The following ZNF385D variants were observed in gnomAD, a reference collection of about 807,000 sequenced individuals.
The protein encoded by ZNF385D is zinc finger protein 659.
A neutral mutation model predicts 35.8 loss-of-function variants in ZNF385D; 15 were observed. The ratio of observed to expected loss-of-function variants is 0.42; its 90% confidence interval spans 0.28 to 0.64. ZNF385D has a LOEUF of 0.64. Among genes scored for constraint, ZNF385D ranks in the 30% least tolerant of loss-of-function variants. ZNF385D has a pLI of 0.23. For synonymous variants in ZNF385D, 212 were observed against 186.8 expected (o/e 1.13, Z -1.10); for missense variants, 474 against 494.6 (o/e 0.96, Z 0.39).
chr3:21,506,961 T>C (rs1372569443), intron 4 of ZNF385D, among the ~76,000 whole-genome samples: 2 of 64,990 alleles, frequency 3.1e-5, no homozygotes, highest in Non-Finnish European at 6.0e-5. Flanking sequence ...ACTGGCATAA[T>C]TAGAGAAAAA....
At chr3:22,046,906 A>C (rs116304575) in intron 3 of ZNF385D, among the ~76,000 whole-genome samples, 1 of 152,284 alleles carries the variant, frequency 6.6e-6, no homozygotes, top group East Asian at 1.9e-4. Flanking sequence ...GAAACACTTT[A>C]TACTATACTA....
chr3:21,459,446 A>G (rs1000894096), intron 4 of ZNF385D: 2 of 152,168 alleles, frequency 1.3e-5, no homozygotes, highest in South Asian at 2.1e-4. Flanking sequence ...TGTTGTATTT[A>G]TCTCTGTTTC....
At chr3:22,187,477 TACAC>T (rs908769401) in intron 2 of ZNF385D, among the ~76,000 whole-genome samples, 1 of 151,854 alleles carries the variant, frequency 6.6e-6, no homozygotes, top group Admixed American at 6.6e-5. Context: ...TCTCACCCTA[TACAC>T]ACACACAGAT....
chr3:21,754,835 G>C (rs2070269257), upstream of ZNF385D, among the ~76,000 whole-genome samples: 1 of 152,100 alleles, frequency 6.6e-6, no homozygotes, highest in African/African-American at 2.4e-5. Flanking sequence ...CCTGCTACTT[G>C]TCATTATACA....
At chr3:22,060,643 G>A (rs1171631525) in intron 3 of ZNF385D, among the ~76,000 whole-genome samples, 1 of 151,928 alleles carries the variant, frequency 6.6e-6, no homozygotes, top group Non-Finnish European at 1.5e-5. Context: ...CTTAAAATAC[G>A]TTAACAGCCA....
chr3:22,309,427 A>G (rs1457113128), intron 2 of ZNF385D, among the ~76,000 whole-genome samples: 1 of 152,106 alleles, frequency 6.6e-6, no homozygotes, highest in Non-Finnish European at 1.5e-5. Context: ...ACCTTGTCCC[A>G]GTTTCTCACT....
At position 21,684,388 on chromosome 3, in the gene ZNF385D, CT is replaced by C. The variant is rs1209838014; in HGVS notation, c.23-19361del. ...CTCCTCTCTCTCTCTCTCTCTCTCT[CT>C]CTCTCTCTCTCTCTCCTCTCTCTCT... is the stretch of plus-strand genomic sequence containing the variant. On this transcript the variant is annotated intron_variant, in intron 1 of 7. Coordinates refer to ENST00000281523, the MANE Select transcript of ZNF385D (RefSeq NM_024697.3). Among the ~76,000 whole-genome samples, 102 of 86,982 alleles carry C rather than the reference CT, an allele frequency of 1.2e-3. 1 individual carries two copies. Among genetic ancestry groups the C allele is most frequent in the African/African-American group, 5.5e-3 (101 of 18,520 alleles). The allele number at this position is 86,982 out of a possible 152,430, so 57.1% of individuals were successfully genotyped here.
chr3:22,096,549 G>C (rs994087126), intron 3 of ZNF385D, among the ~76,000 whole-genome samples: 3 of 151,938 alleles, frequency 2.0e-5, no homozygotes, highest in East Asian at 3.9e-4. Flanking sequence ...GAATACTTGA[G>C]ACTTTCTTGC....
chr3:21,872,000 G>GA (rs994999279), intron 3 of ZNF385D, among the ~76,000 whole-genome samples: 7 of 149,420 alleles, frequency 4.7e-5, no homozygotes, highest in South Asian at 4.2e-4. Context: ...CTCTGTCTCA[G>GA]AAAAAAAAAT....
At position 21,996,616 on chromosome 3, in the gene ZNF385D, A is replaced by G. The variant is rs553044806; in HGVS notation, c.325+172201T>C. ...ACTGTCACACATTTATTTCTCACAT[A>G]TGTTTCAGCTTATGTTAGCATAGTT... is the stretch of plus-strand genomic sequence containing the variant. On this transcript the variant is annotated intron_variant, in intron 3 of 5. Transcript: ENST00000494108. Among the ~76,000 whole-genome samples the G allele has an allele frequency of 7.9e-5, 12 of 152,258 alleles. No homozygotes were observed. In the South Asian group the frequency reaches 1.0e-3, roughly 13 times the overall value.
At chr3:22,293,303 T>G (rs1251791894) in intron 2 of ZNF385D, among the ~76,000 whole-genome samples, 1 of 152,118 alleles carries the variant, frequency 6.6e-6, no homozygotes, top group Admixed American at 6.6e-5. Context: ...TTAAACTCGA[T>G]GTCCTTTACT....
Position 21,437,701 on chromosome 3 carries a change from CAAAAA to C in ZNF385D, c.440-503_440-499del, listed in dbSNP as rs751739275. The stretch of plus-strand genomic sequence containing the variant: ...ACAGATCCTTTTGCAAATGCTTATA[CAAAAA>C]AAAAAAAAAAAAACCGGAACCCTGA... On this transcript the variant is annotated intron_variant, in intron 4 of 7. Coordinates refer to ENST00000281523, the MANE Select transcript of ZNF385D (RefSeq NM_024697.3). Among the ~76,000 whole-genome samples the C allele has an allele frequency of 1.5e-3, 114 of 77,210 alleles. 2 individuals carry two copies. The highest frequency in any genetic ancestry group is 5.3e-3 in the African/African-American group (101 of 19,092). The allele number at this position is 77,210 out of a possible 152,430, so 50.7% of individuals were successfully genotyped here.
intron 1 of ZNF385D, among the ~76,000 whole-genome samples, chr3:21,715,327 G>A (rs879550857): frequency 1.3e-5 from 2 of 151,448 alleles, no homozygotes; most frequent in Admixed American, 6.6e-5. Flanking sequence ...AAGCACCCAC[G>A]TATGGGTGAG....
At chr3:21,776,473 T>C (rs2125625596) in intron 3 of ZNF385D, among the ~76,000 whole-genome samples, 1 of 152,114 alleles carries the variant, frequency 6.6e-6, no homozygotes, top group South Asian at 2.1e-4. Flanking sequence ...GTGTGTTAAA[T>C]CTGATACACA....
chr3:21,590,824 G>T (rs891246020), intron 2 of ZNF385D, among the ~76,000 whole-genome samples: 3 of 151,988 alleles, frequency 2.0e-5, no homozygotes, highest in Non-Finnish European at 4.4e-5. Flanking sequence ...TTTTTAGAAA[G>T]TAAATTAAAA....
chr3:21,417,112 C>G lies in ZNF385D; in HGVS notation c.*4102G>C, dbSNP rs1199778825. Reference sequence around the variant, plus strand: ...TGAATGACCTACAATATGGCTTACACTCAGGATGGAAAGGAATACAGAATA... The same window carrying G: ...TGAATGACCTACAATATGGCTTACAGTCAGGATGGAAAGGAATACAGAATA... On this transcript the variant is annotated 3_prime_UTR_variant, in exon 8 of 8. Transcript: ENST00000281523. 6.6e-6 allele frequency: 1 copy of G among 152,048 alleles called. No homozygotes were observed. The highest frequency in any genetic ancestry group is 1.9e-4 in the East Asian group (1 of 5,184). The allele number at this position is 152,048 out of a possible 1,614,324, so 9.4% of individuals were successfully genotyped here.
At chr3:21,948,360 T>G (rs1484960287) in intron 3 of ZNF385D, among the ~76,000 whole-genome samples, 1 of 150,554 alleles carries the variant, frequency 6.6e-6, no homozygotes. Context: ...CCAGAAACTC[T>G]TTTAGGAGGC....
chr3:21,908,502 G>A (rs1699807515), intron 3 of ZNF385D, among the ~76,000 whole-genome samples: 1 of 152,024 alleles, frequency 6.6e-6, no homozygotes, highest in African/African-American at 2.4e-5. Context: ...TAGAGGGGGA[G>A]GCAGATTGGA....
intron 2 of ZNF385D, among the ~76,000 whole-genome samples, chr3:21,592,556 CCAAAAACA>C (rs1559440338): frequency 6.6e-5 from 4 of 60,652 alleles, no homozygotes; most frequent in Non-Finnish European, 1.4e-4. Context: ...AAAAAAAAAA[CCAAAAACA>C]AAAAAAAAAA....
Sources: allele counts gnomAD v4.1 joint callset (sites outside exome capture counted in the v4.1 genomes callset), GRCh38; gene constraint gnomAD v4.1.1; transcripts MANE v1.5; gene names NCBI Gene and HGNC (gene_info 2026-07-23, HGNC 2026-07-21).